The following NAV3 variants were observed in gnomAD, a reference collection of about 807,000 sequenced individuals.
NAV3 encodes the protein neuron navigator 3, also known as pore membrane and/or filament interacting like protein 1.
NAV3 carries 87 observed loss-of-function variants against 244.7 expected under a neutral mutation model. That is an observed-to-expected ratio of 0.36 (90% CI 0.30 to 0.42). NAV3 has a LOEUF of 0.42. Among genes scored for constraint, NAV3 ranks in the 20% least tolerant of loss-of-function variants. The probability of loss-of-function intolerance (pLI) is 1.00; values close to 1 mark genes in which losing one functional copy is unlikely to be tolerated. For synonymous variants in NAV3, 1,126 were observed against 1,042.2 expected (o/e 1.08, Z -1.55); for missense variants, 2,663 against 2,893.3 (o/e 0.92, Z 1.83).
chr12:77,714,056 T>G (rs2137263593), intron 2 of NAV3, among the ~76,000 whole-genome samples: 1 of 152,124 alleles, frequency 6.6e-6, no homozygotes, highest in Non-Finnish European at 1.5e-5. Context: ...TCTTAGCTTC[T>G]TCTGGGAATA....
chr12:77,575,858 T>G (rs987506629), intron 2 of NAV3, among the ~76,000 whole-genome samples: 6 of 152,168 alleles, frequency 3.9e-5, no homozygotes, highest in African/African-American at 1.4e-4. Context: ...GATACACACT[T>G]CAGAATCATG....
chr12:77,764,641 T>G (rs527394217), intron 2 of NAV3, among the ~76,000 whole-genome samples: 1 of 152,378 alleles, frequency 6.6e-6, no homozygotes, highest in Admixed American at 6.5e-5. Flanking sequence ...GTTTAATAAA[T>G]TAGTTCTACA....
At chr12:77,617,615 G>A (rs1314213209) in intron 2 of NAV3, among the ~76,000 whole-genome samples, 1 of 152,196 alleles carries the variant, frequency 6.6e-6, no homozygotes. Flanking sequence ...GCCAAGCAAG[G>A]AGACAGGAGG....
chr12:77,648,920 T>A (rs1872711536), intron 2 of NAV3, among the ~76,000 whole-genome samples: 2 of 152,128 alleles, frequency 1.3e-5, no homozygotes, highest in African/African-American at 4.8e-5. Context: ...TTCTGGCAAG[T>A]CATAGAGTGA....
chr12:78,138,738 T>C (rs1956480186), intron 19 of NAV3, among the ~76,000 whole-genome samples: 1 of 152,172 alleles, frequency 6.6e-6, no homozygotes, highest in South Asian at 2.1e-4. Flanking sequence ...CATTGACAAA[T>C]AAAGTGATTT....
At chr12:77,966,705 A>T (rs1475404804) in intron 4 of NAV3, among the ~76,000 whole-genome samples, 1 of 152,062 alleles carries the variant, frequency 6.6e-6, no homozygotes, top group Non-Finnish European at 1.5e-5. Context: ...TCTATAATAT[A>T]TTCAAGTTGG....
intron 2 of NAV3, among the ~76,000 whole-genome samples, chr12:77,657,875 G>C (rs1382801756): frequency 2.0e-5 from 3 of 152,152 alleles, no homozygotes; most frequent in Non-Finnish European, 4.4e-5. Context: ...TATCTCACTA[G>C]ATGCAGAAAA....
intron 2 of NAV3, among the ~76,000 whole-genome samples, chr12:77,662,562 A>G (rs1873512197): frequency 6.6e-6 from 1 of 152,100 alleles, no homozygotes; most frequent in African/African-American, 2.4e-5. Context: ...TGGGAAACAG[A>G]TACCTGTGCC....
At chr12:77,750,721 A>G (rs1868805982) in intron 2 of NAV3, among the ~76,000 whole-genome samples, 1 of 152,172 alleles carries the variant, frequency 6.6e-6, no homozygotes, top group African/African-American at 2.4e-5. Context: ...TACAGTGACA[A>G]GTGATACAAT....
intron 2 of NAV3, among the ~76,000 whole-genome samples, chr12:77,734,169 G>A (rs566550821): frequency 3.3e-5 from 5 of 152,172 alleles, no homozygotes; most frequent in Admixed American, 6.6e-5. Flanking sequence ...ATGCTATGAG[G>A]ATAAAAGTAT....
At chr12:77,892,790 C>T (rs916280108) in intron 1 of NAV3, among the ~76,000 whole-genome samples, 7 of 152,110 alleles carry the variant, frequency 4.6e-5, no homozygotes, top group African/African-American at 9.7e-5. Flanking sequence ...ACCTATTAAA[C>T]GTCATTTCCT....
At chr12:78,142,723 ATG>A (rs34539948) in intron 20 of NAV3, among the ~76,000 whole-genome samples, 54,117 of 106,012 alleles carry the variant, frequency 0.51, 12,092 homozygotes, top group African/African-American at 0.57. Context: ...ATACATATAT[ATG>A]TGTGTGTGTG....
chr12:78,198,551 A>T, intron 35 of NAV3, 54 bp from the exon 36 acceptor site: 1 of 1,030,922 alleles, frequency 9.7e-7, no homozygotes, highest in Non-Finnish European at 1.5e-6. Flanking sequence ...AATTTTAATG[A>T]ATTAATCACT....
upstream of NAV3, among the ~76,000 whole-genome samples, chr12:77,829,922 T>C (rs1236666675): frequency 6.6e-6 from 1 of 152,206 alleles, no homozygotes. Context: ...ATTTCCATGA[T>C]TCATTGTGTC....
chr12:77,990,597 G>A (rs1871283696), intron 5 of NAV3, among the ~76,000 whole-genome samples: 1 of 152,046 alleles, frequency 6.6e-6, no homozygotes, highest in Non-Finnish European at 1.5e-5. Flanking sequence ...CAGTTTTATG[G>A]GACATTTAGG....
intron 6 of NAV3, 43 bp from the exon 7 acceptor site, chr12:77,998,294 T>C (rs1872688256): frequency 4.2e-6 from 6 of 1,412,154 alleles, no homozygotes; most frequent in Admixed American, 2.7e-5. Flanking sequence ...CTTACCTTTT[T>C]GTAATGTACA....
At chr12:77,655,002 A>G (rs1873020764) in intron 2 of NAV3, among the ~76,000 whole-genome samples, 2 of 152,194 alleles carry the variant, frequency 1.3e-5, no homozygotes, top group African/African-American at 4.8e-5. Context: ...AACCACAAAG[A>G]TGGGGAAAAA....
chr12:77,765,099 C>T (rs1167218834), intron 2 of NAV3, among the ~76,000 whole-genome samples: 1 of 152,212 alleles, frequency 6.6e-6, no homozygotes, highest in Non-Finnish European at 1.5e-5. Context: ...ACTTCCTTCT[C>T]TACTAAAATC....
Position 78,118,087 on chromosome 12 carries a change from C to A in NAV3, c.2830C>A (p.Leu944Met), listed in dbSNP as rs779917036. ...TDETWDSPEELKKPEEDFDSH... is the reference protein window; with the variant it reads ...TDETWDSPEEMKKPEEDFDSH... ...CGAGACCTGGGATAGTCCTGAGGAA[C>A]TGAAAAAACCAGAAGAAGATTTTGA... Residue 944 changes from leucine (L) to methionine (M), a missense_variant, in exon 14 of 40, where the codon CTG becomes ATG. Coordinates refer to ENST00000397909, the MANE Select transcript of NAV3 (RefSeq NM_001024383.2). 1.2e-6 allele frequency: 2 copies of A among 1,614,022 alleles called. No individual in the cohort carries two copies. Among genetic ancestry groups the A allele is most frequent in the South Asian group, 2.2e-5 (2 of 91,068 alleles).
Sources: allele counts gnomAD v4.1 joint callset (sites outside exome capture counted in the v4.1 genomes callset), GRCh38; gene constraint gnomAD v4.1.1; transcripts MANE v1.5; gene names NCBI Gene and HGNC (gene_info 2026-07-23, HGNC 2026-07-21).